Variants in ATXN7L1 observed in about 807,000 individuals in gnomAD.
ATXN7L1 encodes ataxin-7-like protein 1.
ATXN7L1 carries 15 observed loss-of-function variants against 70.8 expected under a neutral mutation model. The observed-to-expected ratio is 0.21, with a 90% CI of 0.14 to 0.33. ATXN7L1 has a LOEUF of 0.33. Ranked by LOEUF, ATXN7L1 falls within the 10% of genes least tolerant of loss-of-function variation. ATXN7L1 has a pLI of 1.00. For synonymous variants in ATXN7L1, 440 were observed against 445.1 expected (o/e 0.99, Z 0.14); for missense variants, 975 against 1,097.1 (o/e 0.89, Z 1.57).
At chr7:105,641,299 C>T (rs1009988591) in intron 5 of ATXN7L1, among the ~76,000 whole-genome samples, 1 of 118,114 alleles carries the variant, frequency 8.5e-6, no homozygotes, top group African/African-American at 3.4e-5. Context: ...TTGCTCGGAG[C>T]CCTCTCTGGC....
intron 3 of ATXN7L1, among the ~76,000 whole-genome samples, chr7:105,720,114 AC>A (rs1795015143): frequency 1.3e-5 from 2 of 152,188 alleles, no homozygotes; most frequent in African/African-American, 4.8e-5. Flanking sequence ...TAGTCCGAAT[AC>A]CATGTAGGAA....
At chr7:105,821,463 C>T (rs931046134) in intron 2 of ATXN7L1, among the ~76,000 whole-genome samples, 1 of 152,198 alleles carries the variant, frequency 6.6e-6, no homozygotes, top group Non-Finnish European at 1.5e-5. Context: ...GGTTTCTAAC[C>T]TCAGGAGAGT....
chr7:105,729,419 A>C (rs1482984972), intron 3 of ATXN7L1, among the ~76,000 whole-genome samples: 3 of 143,470 alleles, frequency 2.1e-5, no homozygotes, highest in Non-Finnish European at 4.5e-5. Flanking sequence ...TGGAAGCATA[A>C]ATCCCTACTT....
At chr7:105,749,800 A>C (rs1450238633) in intron 3 of ATXN7L1, among the ~76,000 whole-genome samples, 1 of 151,828 alleles carries the variant, frequency 6.6e-6, no homozygotes, top group Non-Finnish European at 1.5e-5. Flanking sequence ...CCACTTCTTT[A>C]TTTCAAAAAG....
chr7:105,657,504 G>A lies in ATXN7L1; in HGVS notation c.578+7562C>T, dbSNP rs527311673. On this transcript the variant is annotated intron_variant, in intron 4 of 11. Transcript: ENST00000419735. ...GAGTTGGGTGGATCCCTTGAGCTCAGGAATTCGAGATGGTGAAACTCTAAC... is the reference window on the plus strand; with the variant it reads ...GAGTTGGGTGGATCCCTTGAGCTCAAGAATTCGAGATGGTGAAACTCTAAC... Among the ~76,000 whole-genome samples, 13 of 151,804 alleles carry A rather than the reference G, an allele frequency of 8.6e-5. No homozygotes were observed. In the East Asian group the frequency reaches 2.3e-3, roughly 27 times the overall value.
At position 105,665,190 on chromosome 7, in the gene ATXN7L1, G is replaced by C. The variant is rs1802432916; in HGVS notation, c.454C>G (p.Leu152Val). 17 of 1,551,692 alleles carry C rather than the reference G, an allele frequency of 1.1e-5. No individual in the cohort carries two copies. Among genetic ancestry groups the C allele is most frequent in the Non-Finnish European group, 1.5e-5 (17 of 1,146,990 alleles). ...CTGCTGGCAGAGTGATGGCCGCTGAGACAGGCTTTTGTTTTCACCTGTACT... is the reference window on the plus strand; with the variant it reads ...CTGCTGGCAGAGTGATGGCCGCTGACACAGGCTTTTGTTTTCACCTGTACT... The part of the protein sequence containing the change: ...SLVQVKTKAC[L>V]SGHHSASSTS... The change falls in exon 4 of 12, where the codon CTC becomes GTC. Residue 152 changes from leucine (L) to valine (V), a missense_variant. This residue lies in a region of ATXN7L1 where 192 missense variants were observed against 215.5 expected (regional missense o/e 0.89). Transcript: ENST00000419735.
At chr7:105,695,971 T>TG (rs1791650973) in intron 3 of ATXN7L1, among the ~76,000 whole-genome samples, 1 of 152,022 alleles carries the variant, frequency 6.6e-6, no homozygotes, top group Admixed American at 6.6e-5. Context: ...AGTGAAGGCT[T>TG]GGGGGGCCAA....
At chr7:105,763,019 T>A (rs1443532500) in intron 3 of ATXN7L1, among the ~76,000 whole-genome samples, 1 of 152,182 alleles carries the variant, frequency 6.6e-6, no homozygotes, top group Non-Finnish European at 1.5e-5. Context: ...AGATGAAAGC[T>A]TGACTGCAGC....
chr7:105,769,347 C>T (rs1801683527), intron 3 of ATXN7L1, among the ~76,000 whole-genome samples: 1 of 152,128 alleles, frequency 6.6e-6, no homozygotes, highest in Non-Finnish European at 1.5e-5. Context: ...TGCCAGTCTA[C>T]CTCACGGTAT....
chr7:105,739,119 T>C (rs1395678729), intron 3 of ATXN7L1, among the ~76,000 whole-genome samples: 1 of 152,112 alleles, frequency 6.6e-6, no homozygotes, highest in Admixed American at 6.5e-5. Context: ...GGCAGAGGTG[T>C]GGAAATCTTC....
chr7:105,806,758 G>C (rs1392690584), intron 2 of ATXN7L1, among the ~76,000 whole-genome samples: 1 of 152,118 alleles, frequency 6.6e-6, no homozygotes, highest in Non-Finnish European at 1.5e-5. Context: ...TGAGTCATGA[G>C]GAAGTGCCCA....
At chr7:105,806,573 C>T (rs1334189720) in intron 2 of ATXN7L1, among the ~76,000 whole-genome samples, 1 of 152,102 alleles carries the variant, frequency 6.6e-6, no homozygotes, top group African/African-American at 2.4e-5. Flanking sequence ...AGAGTGGGGA[C>T]ATCATGAGCA....
intron 3 of ATXN7L1, among the ~76,000 whole-genome samples, chr7:105,704,589 T>TCA: frequency 7.4e-6 from 1 of 136,022 alleles, no homozygotes; most frequent in East Asian, 2.1e-4. Flanking sequence ...TATCTCTTTT[T>TCA]TTTTTTTTTT....
chr7:105,632,212 C>T lies in ATXN7L1; in HGVS notation c.1202+6141G>A, dbSNP rs114794244. 3.3e-3 allele frequency among the ~76,000 whole-genome samples: 495 copies of T among 152,100 alleles called. 2 individuals carry two copies. The highest frequency in any genetic ancestry group is 0.011 in the African/African-American group (474 of 41,492). ...GACATGAACAGAGGAAGGAAACAAA[C>T]CTGGAAAAAACTAAGACGATGATGG... On this transcript the variant is annotated intron_variant, in intron 7 of 11. Transcript: ENST00000419735.
At chr7:105,662,455 G>A (rs1801862415) in intron 4 of ATXN7L1, among the ~76,000 whole-genome samples, 1 of 152,162 alleles carries the variant, frequency 6.6e-6, no homozygotes, top group Non-Finnish European at 1.5e-5. Context: ...ACTGTGGCAG[G>A]TCTTAAGAAG....
Position 105,727,777 on chromosome 7 carries a change from T to TATATAC in ATXN7L1, c.355+60826_355+60827insGTATAT, listed in dbSNP as rs1462125950. Among the ~76,000 whole-genome samples, 589 of 90,112 alleles carry TATATAC rather than the reference T, an allele frequency of 6.5e-3. 10 individuals are homozygous for TATATAC. The highest frequency in any genetic ancestry group is 0.027 in the South Asian group (69 of 2,548). 59.1% of individuals were successfully genotyped at this position (90,112 alleles called of 152,430 possible). ...ATATATATATATATATATATATATA[T>TATATAC]ACACACACATACACACATATATATA... On this transcript the variant is annotated intron_variant, in intron 3 of 11. Coordinates refer to ENST00000419735, the MANE Select transcript of ATXN7L1 (RefSeq NM_020725.2).
rs746880630 is a variant in ATXN7L1 at position 105,613,996 on chromosome 7, G to A, written c.2338C>T (p.Arg780Cys). The change falls in exon 10 of 12, where the codon CGT becomes TGT. Residue 780 changes from arginine to cysteine, a missense_variant. Arg to Cys is a radical substitution (Grantham distance 180). This residue lies in a region of ATXN7L1 where 635 missense variants were observed against 699.4 expected (regional missense o/e 0.91). Transcript: ENST00000419735. ...TTGCTACTAGAACTCGAGTTCTTAC[G>A]CTTTTTTCCTTCTGATTTGTCAAAA... ...LSFDKSEGKK[R>C]KNSSSSSKAC... The A allele has an allele frequency of 6.4e-7, 1 of 1,552,176 alleles. No homozygotes were observed. Among genetic ancestry groups the A allele is most frequent in the South Asian group, 1.2e-5 (1 of 84,064 alleles).
At chr7:105,812,560 G>A (rs924905540) in intron 2 of ATXN7L1, among the ~76,000 whole-genome samples, 4 of 152,032 alleles carry the variant, frequency 2.6e-5, no homozygotes, top group Admixed American at 2.0e-4. Context: ...TCCTTAATAC[G>A]AAACAAAGCA....
chr7:105,770,490 G>A (rs1053496368), intron 3 of ATXN7L1, among the ~76,000 whole-genome samples: 1 of 152,182 alleles, frequency 6.6e-6, no homozygotes, highest in African/African-American at 2.4e-5. Context: ...ACCCCAGGCA[G>A]ACTTTTCCTC....
Sources: allele counts gnomAD v4.1 joint callset (sites outside exome capture counted in the v4.1 genomes callset), GRCh38; gene constraint gnomAD v4.1.1; regional missense constraint gnomAD v4.1.1; transcripts MANE v1.5; gene names NCBI Gene and HGNC (gene_info 2026-07-23, HGNC 2026-07-21).